The following ZEB2 variants were observed in gnomAD, a reference collection of about 807,000 sequenced individuals.
ZEB2 encodes zinc finger E-box-binding homeobox 2.
ZEB2 carries 6 observed loss-of-function variants against 99.9 expected under a neutral mutation model. The observed-to-expected ratio is 0.06, with a 90% confidence interval of 0.03 to 0.12. ZEB2 has a LOEUF of 0.12. Ranked by LOEUF, ZEB2 falls within the 10% of genes least tolerant of loss-of-function variation. The pLI is 1.00. For missense variants in ZEB2, 969 were observed against 1,502.8 expected (o/e 0.64, Z 5.87); for synonymous variants, 517 against 542.5 (o/e 0.95, Z 0.65).
intron 2 of ZEB2, among the ~76,000 whole-genome samples, chr2:144,508,162 A>T (rs1365131738): frequency 6.6e-6 from 1 of 152,240 alleles, no homozygotes; most frequent in Non-Finnish European, 1.5e-5. Context: ...AGTCAATGCC[A>T]GCTACTGTGA....
intron 2 of ZEB2, among the ~76,000 whole-genome samples, chr2:144,443,997 A>T (rs1450817652): frequency 6.6e-6 from 1 of 152,242 alleles, no homozygotes; most frequent in Non-Finnish European, 1.5e-5. Flanking sequence ...GACAGCAGCC[A>T]TTCCAGGTAG....
chr2:144,389,344 C>T lies in ZEB2; in HGVS notation c.*107G>A, dbSNP rs1187970003. 1.5e-6 allele frequency: 2 copies of T among 1,312,610 alleles called. No homozygotes were observed. The highest frequency in any genetic ancestry group is 1.5e-5 in the African/African-American group (1 of 68,958). The allele number at this position is 1,312,610 out of a possible 1,614,324, so 81.3% of individuals were successfully genotyped here. On this transcript the variant is annotated 3_prime_UTR_variant, in exon 10 of 10. Coordinates refer to ENST00000627532, the MANE Select transcript of ZEB2 (RefSeq NM_014795.4). This position sits in a 1 kb window ranked among gnomAD's most constrained non-coding sequence, Gnocchi z 6.8. The stretch of plus-strand genomic sequence containing the variant: ...CCCCTTCTGTCCCTCTCTACAGCTT[C>T]CTGGAAGCGTCAGGCACGTGCATGA...
chr2:144,418,972 TA>T (rs961137840), intron 4 of ZEB2, among the ~76,000 whole-genome samples: 9 of 150,546 alleles, frequency 6.0e-5, no homozygotes, highest in African/African-American at 2.2e-4. Flanking sequence ...CCTATTGAAA[TA>T]AAAAAAGAAA....
chr2:144,500,917 G>A (rs1009781009), intron 2 of ZEB2, among the ~76,000 whole-genome samples: 1 of 152,112 alleles, frequency 6.6e-6, no homozygotes, highest in Non-Finnish European at 1.5e-5. Flanking sequence ...GTGCTGTAGC[G>A]CTAGCCTATC....
intron 9 of ZEB2, among the ~76,000 whole-genome samples, chr2:144,395,251 G>C (rs1277537451): frequency 6.6e-6 from 1 of 151,940 alleles, no homozygotes; most frequent in African/African-American, 2.4e-5. Context: ...TTCCTGCCTT[G>C]GTCTTTCAAA....
At chr2:144,499,726 T>C (rs562440604) in intron 2 of ZEB2, among the ~76,000 whole-genome samples, 10 of 152,268 alleles carry the variant, frequency 6.6e-5, no homozygotes, top group Non-Finnish European at 8.8e-5. Flanking sequence ...ACCTACACCA[T>C]GGACAGATTT....
intron 2 of ZEB2, among the ~76,000 whole-genome samples, chr2:144,472,637 G>A (rs1370212935): frequency 6.6e-6 from 1 of 152,096 alleles, no homozygotes; most frequent in Non-Finnish European, 1.5e-5. Flanking sequence ...AGCAAGTGGT[G>A]GAAATGGAAG....
At chr2:144,404,745 T>A (rs1703360377) in intron 5 of ZEB2, 91 bp downstream of exon 5, 1 of 1,475,808 alleles carries the variant, frequency 6.8e-7, no homozygotes, top group African/African-American at 1.4e-5. Context: ...GTTCTTCAAA[T>A]TTTAAGGTAA....
intron 2 of ZEB2, among the ~76,000 whole-genome samples, chr2:144,431,477 C>T (rs907717900): frequency 2.6e-5 from 4 of 151,614 alleles, no homozygotes; most frequent in Admixed American, 1.3e-4. Context: ...TTGTATAATC[C>T]GCGGGTCTGC....
chr2:144,388,831 G>T lies in ZEB2; in HGVS notation c.*620C>A, dbSNP rs1230896704. On this transcript the variant is annotated 3_prime_UTR_variant, in exon 10 of 10. Transcript: ENST00000627532. This position sits in a 1 kb window ranked among gnomAD's most constrained non-coding sequence, Gnocchi z 5.4. ...ATCTTACTTTTTCCTTCACGTCCAG[G>T]TCACTTTAAGACTTCGGTATCTTAA... The T allele has an allele frequency of 4.5e-6, 2 of 444,986 alleles. No individual in the cohort carries two copies. Among genetic ancestry groups the T allele is most frequent in the Middle Eastern group, 3.4e-4 (1 of 2,950 alleles). 27.6% of individuals were successfully genotyped at this position (444,986 alleles called of 1,614,324 possible). A position where few individuals can be genotyped will look rare whatever the true frequency, so the allele number is the denominator to read the frequency against.
intron 4 of ZEB2, among the ~76,000 whole-genome samples, chr2:144,412,128 G>T (rs1703473269): frequency 6.6e-6 from 1 of 152,174 alleles, no homozygotes; most frequent in Non-Finnish European, 1.5e-5. Context: ...AATTAGCCGG[G>T]TGTGGTGGCA....
At chr2:144,491,357 G>GAAA (rs200783690) in intron 2 of ZEB2, among the ~76,000 whole-genome samples, 22 of 90,314 alleles carry the variant, frequency 2.4e-4, no homozygotes, top group African/African-American at 8.6e-4. Flanking sequence ...CTTCTCAAGA[G>GAAA]AAAAAAAAAA....
chr2:144,400,704 A>G (rs1182486108), intron 7 of ZEB2, among the ~76,000 whole-genome samples: 1 of 152,198 alleles, frequency 6.6e-6, no homozygotes, highest in African/African-American at 2.4e-5. Flanking sequence ...TTGGTAATAA[A>G]ATGCTTGGCA....
At chr2:144,502,755 G>C (rs1704892194) in intron 2 of ZEB2, among the ~76,000 whole-genome samples, 1 of 152,006 alleles carries the variant, frequency 6.6e-6, no homozygotes, top group Non-Finnish European at 1.5e-5. Context: ...TGTTGCCTCT[G>C]GAACAGGGAT....
intron 2 of ZEB2, chr2:144,496,434 A>G (rs1227339028): frequency 6.6e-6 from 1 of 152,218 alleles, no homozygotes; most frequent in Non-Finnish European, 1.5e-5. Context: ...TCAAACTGAC[A>G]TAGTAATGAA....
intron 2 of ZEB2, among the ~76,000 whole-genome samples, chr2:144,482,730 C>A (rs993947696): frequency 3.4e-5 from 5 of 148,664 alleles, no homozygotes; most frequent in African/African-American, 1.2e-4. Context: ...CTGTTTATTT[C>A]TCTTTATATT....
chr2:144,479,696 G>A (rs1481952889), intron 2 of ZEB2, among the ~76,000 whole-genome samples: 2 of 76,184 alleles, frequency 2.6e-5, no homozygotes, highest in African/African-American at 1.1e-4. Context: ...GGGGGGGGGC[G>A]GGGGGTGGAC....
intron 9 of ZEB2, among the ~76,000 whole-genome samples, chr2:144,393,846 C>T (rs919950608): frequency 6.6e-6 from 1 of 152,260 alleles, no homozygotes; most frequent in South Asian, 2.1e-4. Context: ...GGCAATGTTT[C>T]GAGGCAGCAG....
At chr2:144,515,846 A>C (rs747696535) in intron 2 of ZEB2, 10 of 152,282 alleles carry the variant, frequency 6.6e-5, no homozygotes, top group East Asian at 5.8e-4. Flanking sequence ...TCTAATCAAA[A>C]TTCTCTCGTC....
Sources: gnomAD v4.1 joint callset for allele counts (sites outside exome capture counted in the v4.1 genomes callset) on GRCh38, gnomAD v4.1.1 for gene constraint, Gnocchi (gnomAD v3.1) non-coding constraint, MANE v1.5 for transcripts, NCBI Gene and HGNC (gene_info 2026-07-23, HGNC 2026-07-21) for gene names.